Variants in ZBTB16 observed in about 807,000 individuals in gnomAD.
The protein encoded by ZBTB16 is zinc finger and BTB domain containing 16, also known as zinc finger and BTB domain-containing protein 16.
Under a neutral mutation model 56.8 loss-of-function variants are expected in ZBTB16, and 8 were observed. That is an observed-to-expected ratio of 0.14 (90% CI 0.08 to 0.25). ZBTB16 has a LOEUF of 0.25. Ranked by LOEUF, ZBTB16 falls within the 10% of genes least tolerant of loss-of-function variation. The pLI, the probability that ZBTB16 is intolerant of heterozygous loss-of-function variation, is 1.00. For missense variants in ZBTB16, 625 were observed against 903.0 expected, an observed-to-expected ratio of 0.69 and a Z score of 3.95; for synonymous variants, 363 against 368.5, an observed-to-expected ratio of 0.98 and a Z score of 0.17.
At position 114,242,297 on chromosome 11, in the gene ZBTB16, C is replaced by A. The variant is rs1422068643; in HGVS notation, c.1584C>A (p.Pro528=). ...GCAGTGAGTGCAACCGCACCTTCCCCAGCCACACGGCTCTCAAACGCCACC... is the reference window on the plus strand; with the variant it reads ...GCAGTGAGTGCAACCGCACCTTCCCAAGCCACACGGCTCTCAAACGCCACC... ...YICSECNRTF[P]SHTALKRHLR... The change falls in exon 5 of 7, where the codon CCC becomes CCA. Residue 528 remains proline, a synonymous_variant. Coordinates refer to ENST00000335953, the MANE Select transcript of ZBTB16 (RefSeq NM_006006.6). The A allele has an allele frequency of 6.2e-7, 1 of 1,613,940 alleles. No homozygotes were observed. The highest frequency in any genetic ancestry group is 1.3e-5 in the African/African-American group (1 of 74,956).
At chr11:114,069,624 AG>A (rs1199470355) in intron 2 of ZBTB16, among the ~76,000 whole-genome samples, 17 of 152,180 alleles carry the variant, frequency 1.1e-4, no homozygotes, top group African/African-American at 3.9e-4. Flanking sequence ...ACCTTGGTTT[AG>A]GCTACTTTTG....
At chr11:114,152,120 T>C (rs1942292704) in intron 2 of ZBTB16, among the ~76,000 whole-genome samples, 1 of 152,210 alleles carries the variant, frequency 6.6e-6, no homozygotes, top group Admixed American at 6.5e-5. Context: ...CTTAGAATAT[T>C]GTTAGGATGA....
At chr11:114,195,463 A>G (rs930809219) in intron 4 of ZBTB16, among the ~76,000 whole-genome samples, 1 of 152,190 alleles carries the variant, frequency 6.6e-6, no homozygotes, top group African/African-American at 2.4e-5. Flanking sequence ...CCTGGGGACA[A>G]GAGACCTGCC....
chr11:114,139,557 C>CA, intron 2 of ZBTB16, among the ~76,000 whole-genome samples: 1 of 152,074 alleles, frequency 6.6e-6, no homozygotes, highest in African/African-American at 2.4e-5. Flanking sequence ...CTTCTCCCCC[C>CA]CCAAAGACCA....
At chr11:114,204,154 C>CTTT (rs745498133) in intron 4 of ZBTB16, among the ~76,000 whole-genome samples, 1 of 143,854 alleles carries the variant, frequency 7.0e-6, no homozygotes. Flanking sequence ...GTCCCACTAT[C>CTTT]TTTTTTTTTT....
chr11:114,075,729 C>T (rs1939537465), intron 2 of ZBTB16, among the ~76,000 whole-genome samples: 1 of 151,904 alleles, frequency 6.6e-6, no homozygotes, highest in Non-Finnish European at 1.5e-5. Context: ...TCTCAGCCTC[C>T]TAAAGTGCTG....
Position 114,064,382 on chromosome 11 carries a change from C to T in ZBTB16, c.1082C>T (p.Ala361Val), listed in dbSNP as rs1351747171. 2 of 1,614,106 alleles carry T rather than the reference C, an allele frequency of 1.2e-6. No individual in the cohort carries two copies. Among genetic ancestry groups the T allele is most frequent in the Non-Finnish European group, 1.7e-6 (2 of 1,180,042 alleles). The change falls in exon 2 of 7, where the codon GCC (alanine) becomes GTC (valine). Residue 361 changes from alanine (A) to valine (V), a missense_variant. Physicochemically the swap from Ala to Val is moderately conservative, Grantham distance 64. Transcript: ENST00000335953. The surrounding 1 kb of genome is among the most constrained non-coding windows in gnomAD (Gnocchi z 4.2). ...ACCTCTGGCCTCCACGTGCAGCCTGCCCTGGCTGTCTCCATGGACTTCAGC... is the reference window on the plus strand; with the variant it reads ...ACCTCTGGCCTCCACGTGCAGCCTGTCCTGGCTGTCTCCATGGACTTCAGC... ...SVTSGLHVQPALAVSMDFSTY... is the reference protein window; with the variant it reads ...SVTSGLHVQPVLAVSMDFSTY...
At chr11:114,182,624 AAATTTT>A (rs1943275331) in intron 3 of ZBTB16, among the ~76,000 whole-genome samples, 1 of 152,114 alleles carries the variant, frequency 6.6e-6, no homozygotes, top group Non-Finnish European at 1.5e-5. Context: ...GAGCCCCAGG[AAATTTT>A]GTGGGTGTAA....
At chr11:114,163,657 C>T (rs915320758) in intron 3 of ZBTB16, among the ~76,000 whole-genome samples, 1 of 152,098 alleles carries the variant, frequency 6.6e-6, no homozygotes, top group Non-Finnish European at 1.5e-5. Context: ...TTCTCTCCCA[C>T]CCCTTCACCT....
chr11:114,250,644 GA>G lies in ZBTB16; in HGVS notation c.*93del. On this transcript the variant is annotated 3_prime_UTR_variant, in exon 7 of 7. Transcript: ENST00000335953. The surrounding 1 kb of genome is among the most constrained non-coding windows in gnomAD (Gnocchi z 6.0). Reference sequence around the variant, plus strand: ...GGAAGGACTATGACAAATAAAAAAGGAAAAGAAAAAAAAAAACAGAAGGAAA... The same window carrying G: ...GGAAGGACTATGACAAATAAAAAAGGAAAGAAAAAAAAAAACAGAAGGAAA... 1 of 1,333,502 alleles carries G rather than the reference GA, an allele frequency of 7.5e-7. No homozygotes were observed. The highest frequency in any genetic ancestry group is 1.0e-6 in the Non-Finnish European group (1 of 965,198). The allele number at this position is 1,333,502 out of a possible 1,614,324, so 82.6% of individuals were successfully genotyped here.
chr11:114,155,216 C>T (rs1452919558), intron 2 of ZBTB16, among the ~76,000 whole-genome samples: 1 of 152,268 alleles, frequency 6.6e-6, no homozygotes, highest in African/African-American at 2.4e-5. Flanking sequence ...CACGCCTGCC[C>T]TGTCCTGAGG....
At chr11:114,061,933 C>T (rs2137647174) in intron 1 of ZBTB16, among the ~76,000 whole-genome samples, 1 of 152,278 alleles carries the variant, frequency 6.6e-6, no homozygotes, top group East Asian at 1.9e-4. Context: ...ACACACCCAG[C>T]CCAGCATGAG....
rs142948238 is a variant in ZBTB16, at chr11:114,213,942, T to C, written c.1453+26904T>C. On this transcript the variant is annotated intron_variant, in intron 4 of 6. Transcript: ENST00000335953. ...TGAACTACTTGCTGCTCCACCTCTT[T>C]TAAGTTGTAGAGCTTCCTGATGCTG... is the stretch of plus-strand genomic sequence containing the variant. Among the ~76,000 whole-genome samples, 374 of 152,274 alleles carry C rather than the reference T, an allele frequency of 2.5e-3. 1 individual carries two copies. The highest frequency in any genetic ancestry group is 7.8e-3 in the African/African-American group (325 of 41,552).
intron 2 of ZBTB16, among the ~76,000 whole-genome samples, chr11:114,090,842 T>C (rs1427486815): frequency 6.6e-6 from 1 of 152,234 alleles, no homozygotes; most frequent in East Asian, 1.9e-4. Flanking sequence ...CTGCTTTTTT[T>C]CTGTAGCATT....
intron 4 of ZBTB16, among the ~76,000 whole-genome samples, chr11:114,207,317 G>A (rs1247335531): frequency 1.3e-5 from 2 of 152,148 alleles, no homozygotes; most frequent in Non-Finnish European, 2.9e-5. Flanking sequence ...CCTGCATGGG[G>A]CTCAGACATG....
intron 4 of ZBTB16, among the ~76,000 whole-genome samples, chr11:114,217,961 G>A (rs1423166501): frequency 6.6e-6 from 1 of 152,210 alleles, no homozygotes; most frequent in African/African-American, 2.4e-5. Flanking sequence ...CCAGGGTGAG[G>A]AGCGCTCTCC....
At chr11:114,100,120 A>G (rs1297822613) in intron 2 of ZBTB16, among the ~76,000 whole-genome samples, 2 of 152,168 alleles carry the variant, frequency 1.3e-5, no homozygotes, top group African/African-American at 2.4e-5. Context: ...TAATGACACT[A>G]ATATATTCTG....
At chr11:114,202,727 G>A (rs1478186176) in intron 4 of ZBTB16, among the ~76,000 whole-genome samples, 1 of 152,200 alleles carries the variant, frequency 6.6e-6, no homozygotes, top group Non-Finnish European at 1.5e-5. Flanking sequence ...AGGGCTGTGG[G>A]TTAAGGATGC....
At chr11:114,112,177 T>A (rs1274747445) in intron 2 of ZBTB16, among the ~76,000 whole-genome samples, 2 of 152,220 alleles carry the variant, frequency 1.3e-5, no homozygotes, top group African/African-American at 2.4e-5. Flanking sequence ...TTGGTTCTCT[T>A]TCGATATAAA....
Sources: allele counts gnomAD v4.1 joint callset (sites outside exome capture counted in the v4.1 genomes callset), GRCh38; gene constraint gnomAD v4.1.1; non-coding constraint Gnocchi (gnomAD v3.1); transcripts MANE v1.5; gene names NCBI Gene and HGNC (gene_info 2026-07-23, HGNC 2026-07-21).